Variants in SKA3 observed in about 807,000 individuals in gnomAD.
SKA3 encodes spindle and kinetochore-associated protein 3.
SKA3 carries 39 observed loss-of-function variants against 44.2 expected under a neutral mutation model. That is an observed-to-expected ratio of 0.88 (90% CI 0.68 to 1.15). SKA3 has a LOEUF of 1.15. SKA3 is among the 50% of genes most tolerant of loss of function. The pLI is 0.00. For missense variants in SKA3, 511 were observed against 485.8 expected, an observed-to-expected ratio of 1.05 and a Z score of -0.49; for synonymous variants, 192 against 172.0, an observed-to-expected ratio of 1.12 and a Z score of -0.91.
At position 21,161,861 on chromosome 13, in the gene SKA3, T is replaced by C. The variant is rs569387010; in HGVS notation, c.758A>G (p.Asp253Gly). 6.2e-6 allele frequency: 10 copies of C among 1,610,838 alleles called. No individual in the cohort carries two copies. The highest frequency in any genetic ancestry group is 5.1e-6 in the Non-Finnish European group (6 of 1,177,928). The stretch of plus-strand genomic sequence containing the variant: ...ATTATCATTGAGCCTGGATTCTGTA[T>C]CTATGGCCTCCTCACTGGTGTGATT... The part of the protein sequence containing the change: ...ARNNKSEEAI[D>G]TESRLNDNVF... The change falls in exon 5 of 9, where the codon GAT (aspartate) becomes GGT (glycine). Residue 253 changes from aspartate (D) to glycine (G), a missense_variant. By Grantham distance (94) the Asp-to-Gly change is moderately conservative (BLOSUM62 -1). Coordinates refer to ENST00000314759, the MANE Select transcript of SKA3 (RefSeq NM_145061.6).
Position 21,153,722 on chromosome 13 carries a change from T to A in SKA3, c.*1428A>T, listed in dbSNP as rs1481164924. The A allele has an allele frequency of 6.6e-6, 1 of 152,270 alleles. No individual in the cohort carries two copies. The highest frequency in any genetic ancestry group is 6.5e-5 in the Admixed American group (1 of 15,276). 9.4% of individuals were successfully genotyped at this position (152,270 alleles called of 1,614,324 possible). A position where few individuals can be genotyped will look rare whatever the true frequency, so the allele number is the denominator to read the frequency against. On this transcript the variant is annotated 3_prime_UTR_variant, in exon 9 of 9. Transcript: ENST00000314759. ...TGCTAGATTACTCTGCCCCTTTCCATCCTCTAAAGTTGGGAGAACTCCAGG... is the reference window on the plus strand; with the variant it reads ...TGCTAGATTACTCTGCCCCTTTCCAACCTCTAAAGTTGGGAGAACTCCAGG...
At position 21,176,262 on chromosome 13, in the gene SKA3, C is replaced by A. The variant is rs191496790; in HGVS notation, c.103+113G>T. On this transcript the variant is annotated intron_variant, in intron 1 of 8. Transcript: ENST00000314759. ...CACCCGCCCTGCGCCTCGGTGGCAG[C>A]CGTCCACGCCGTCAGTGCCTGGCGG... 2.0e-4 allele frequency: 164 copies of A among 833,660 alleles called. 1 individual carries two copies. The African/African-American group carries it at 2.6e-3, about 13-fold the overall frequency. 51.6% of individuals were successfully genotyped at this position (833,660 alleles called of 1,614,324 possible). A position where few individuals can be genotyped will look rare whatever the true frequency, so the allele number is the denominator to read the frequency against.
intron 7 of SKA3, among the ~76,000 whole-genome samples, chr13:21,156,097 G>T (rs1436813184): frequency 6.8e-6 from 1 of 147,692 alleles, no homozygotes; most frequent in African/African-American, 2.5e-5. Context: ...TGAGGCCCAA[G>T]AATTACTTGA....
At chr13:21,159,160 T>C (rs1227530801) in intron 6 of SKA3, among the ~76,000 whole-genome samples, 1 of 152,202 alleles carries the variant, frequency 6.6e-6, no homozygotes, top group Non-Finnish European at 1.5e-5. Context: ...ATAACGTGAT[T>C]AGAGGCTACC....
rs943372796 is a variant in SKA3 at position 21,161,790 on chromosome 13, C to T, written c.829G>A (p.Asp277Asn). The change falls in exon 5 of 9, where the codon GAT (aspartate) becomes AAT (asparagine). Residue 277 changes from aspartate (D) to asparagine (N), a missense_variant and splice_region_variant. Transcript: ENST00000314759. ...SPIIQQLEKS[D>N]AEYTNSPLVP... The stretch of plus-strand genomic sequence containing the variant: ...GAAGTAACTTGATTCTTATACTTAC[C>T]ACTTTTTTCCAACTGCTGGATGATG... The T allele has an allele frequency of 6.2e-7, 1 of 1,608,170 alleles. No homozygotes were observed. The highest frequency in any genetic ancestry group is 8.5e-7 in the Non-Finnish European group (1 of 1,176,362).
At chr13:21,165,621 T>C (rs76901720) in intron 4 of SKA3, among the ~76,000 whole-genome samples, 4,565 of 152,108 alleles carry the variant, frequency 0.03, 221 homozygotes, top group African/African-American at 0.1. Context: ...TCCTATCTCA[T>C]TACACTGGCC....
intron 5 of SKA3, 30 bp downstream of exon 5, chr13:21,161,760 C>T: frequency 1.8e-6 from 2 of 1,135,074 alleles, no homozygotes; most frequent in Non-Finnish European, 2.4e-6. Context: ...GAAAAATGTT[C>T]CTGAGAAGTA....
chr13:21,165,974 C>G (rs7988746), intron 4 of SKA3, among the ~76,000 whole-genome samples: 138,510 of 152,086 alleles, frequency 0.91, 63,449 homozygotes, highest in East Asian at 1. Context: ...GAAAGGATTC[C>G]TCCAGAACAC....
chr13:21,170,077 G>GT (rs1181932676), intron 3 of SKA3, among the ~76,000 whole-genome samples: 1 of 151,970 alleles, frequency 6.6e-6, no homozygotes, highest in African/African-American at 2.4e-5. Context: ...AGATAAGTTT[G>GT]TATCCTTAGT....
rs777338397 is a variant in SKA3, at chr13:21,176,452, C to T, written c.26G>A (p.Gly9Glu). Residue 9 changes from glycine to glutamate, a missense_variant, in exon 1 of 9, where the codon GGG becomes GAG. Coordinates refer to ENST00000314759, the MANE Select transcript of SKA3 (RefSeq NM_145061.6). The stretch of plus-strand genomic sequence containing the variant: ...CGTGCTGGCCAGAGACCGCAGCTTC[C>T]CGCAGAAGCTCCGGATAGGGTCCAT... Reference protein sequence around the residue: MDPIRSFCGKLRSLASTLD... With the variant: MDPIRSFCEKLRSLASTLD... 3.8e-6 allele frequency: 6 copies of T among 1,577,626 alleles called. No individual in the cohort carries two copies. In the South Asian group the frequency reaches 6.9e-5, roughly 18 times the overall value.
intron 3 of SKA3, among the ~76,000 whole-genome samples, chr13:21,171,022 G>T (rs987606984): frequency 7.2e-5 from 11 of 152,124 alleles, no homozygotes; most frequent in African/African-American, 2.7e-4. Flanking sequence ...GAACTCGTGG[G>T]CTTAAGGGAT....
chr13:21,157,771 G>C, intron 7 of SKA3, 151 bp downstream of exon 7: 1 of 584,532 alleles, frequency 1.7e-6, no homozygotes, highest in Non-Finnish European at 2.9e-6. Flanking sequence ...ATAAGGTCCT[G>C]ACAGCTCAGA....
chr13:21,167,412 A>G (rs977546107), intron 4 of SKA3, among the ~76,000 whole-genome samples: 2 of 148,262 alleles, frequency 1.3e-5, no homozygotes, highest in Non-Finnish European at 3.1e-5. Context: ...CTCACACTTT[A>G]TTGATAGTAT....
chr13:21,163,871 C>T (rs1435186940), intron 4 of SKA3, among the ~76,000 whole-genome samples: 1 of 152,150 alleles, frequency 6.6e-6, no homozygotes, highest in Non-Finnish European at 1.5e-5. Flanking sequence ...TCAAACAATT[C>T]TTCTCTATGA....
chr13:21,171,343 G>C (rs928016502), intron 3 of SKA3, among the ~76,000 whole-genome samples: 3 of 152,144 alleles, frequency 2.0e-5, no homozygotes, highest in Non-Finnish European at 4.4e-5. Context: ...TTGGGAGGCC[G>C]AGACAGGCGG....
chr13:21,157,560 A>G (rs572065401), intron 7 of SKA3, among the ~76,000 whole-genome samples: 1 of 152,336 alleles, frequency 6.6e-6, no homozygotes, highest in South Asian at 2.1e-4. Flanking sequence ...TATGCAGCAC[A>G]TGACTATATT....
intron 8 of SKA3, 150 bp from the exon 9 acceptor site, chr13:21,155,300 CTG>C (rs1870049412): frequency 1.6e-6 from 1 of 627,268 alleles, no homozygotes; most frequent in East Asian, 2.9e-5. Flanking sequence ...ATTCGGGAAT[CTG>C]AGATTCAGGG....
intron 4 of SKA3, among the ~76,000 whole-genome samples, chr13:21,165,029 T>C (rs969175091): frequency 1.3e-5 from 2 of 152,034 alleles, no homozygotes; most frequent in Non-Finnish European, 2.9e-5. Context: ...TATCTATATT[T>C]TCTTTTATTT....
At chr13:21,157,085 AAG>A (rs1870156322) in intron 7 of SKA3, among the ~76,000 whole-genome samples, 1 of 151,894 alleles carries the variant, frequency 6.6e-6, no homozygotes, top group Non-Finnish European at 1.5e-5. Flanking sequence ...AACAAAAAAA[AAG>A]AATTCCACAC....
Sources: gnomAD v4.1 joint callset for allele counts (sites outside exome capture counted in the v4.1 genomes callset) on GRCh38, gnomAD v4.1.1 for gene constraint, MANE v1.5 for transcripts, NCBI Gene and HGNC (gene_info 2026-07-23, HGNC 2026-07-21) for gene names.